The following CACNA1H variants were observed in gnomAD, a reference collection of about 807,000 sequenced individuals.
The protein encoded by CACNA1H is voltage-dependent T-type calcium channel subunit alpha-1H.
A neutral mutation model predicts 192.5 loss-of-function variants in CACNA1H; 149 were observed. The observed-to-expected ratio is 0.77, with a 90% CI of 0.68 to 0.89. The LOEUF (loss-of-function observed/expected upper bound fraction) is 0.89, where lower values mean the gene tolerates loss of function less well. CACNA1H is among the 40% of genes least tolerant of loss of function. The pLI is 0.00. For synonymous variants in CACNA1H, 2,202 were observed against 1,475.2 expected (o/e 1.49, Z -11.29); for missense variants, 4,257 against 3,423.5 (o/e 1.24, Z -6.08).
chr16:1,175,504 A>G (rs970294919), intron 2 of CACNA1H, among the ~76,000 whole-genome samples: 5 of 151,558 alleles, frequency 3.3e-5, no homozygotes, highest in East Asian at 2.0e-4. Context: ...CTGCCCCTCC[A>G]CCCTGTAGCC....
rs200009613 is a variant in CACNA1H at position 1,200,320 on chromosome 16, A to G, written c.868A>G (p.Ile290Val). Reference sequence around the variant, plus strand: ...GGAGGAGGGCGAGGAGAACCCGTTCATCTGCTCCTCACGCCGAGACAACGG... The same window carrying G: ...GGAGGAGGGCGAGGAGAACCCGTTCGTCTGCTCCTCACGCCGAGACAACGG... ...QTEEGEENPFICSSRRDNGMQ... is the reference protein window; with the variant it reads ...QTEEGEENPFVCSSRRDNGMQ... Residue 290 changes from isoleucine (I) to valine (V), a missense_variant, in exon 7 of 35, where the codon ATC becomes GTC. Transcript: ENST00000348261. 52 of 1,605,810 alleles carry G rather than the reference A, an allele frequency of 3.2e-5. 1 individual carries two copies. The East Asian group carries it at 1.1e-3, about 33-fold the overall frequency.
At chr16:1,159,088 C>T (rs1176248143) in intron 2 of CACNA1H, among the ~76,000 whole-genome samples, 5 of 152,246 alleles carry the variant, frequency 3.3e-5, no homozygotes, top group Non-Finnish European at 7.3e-5. Context: ...GCACAGCCTT[C>T]AGGCCCTGAT....
rs999638301 is a variant in CACNA1H, at chr16:1,167,148, C to T, written c.299+13112C>T. ...TGGACACGGCCCTTCCTTTCCTCGC[C>T]GACCCTTTGGGGCGTCTCCCATCGG... is the stretch of plus-strand genomic sequence containing the variant. On this transcript the variant is annotated intron_variant, in intron 2 of 34. Coordinates refer to ENST00000348261, the MANE Select transcript of CACNA1H (RefSeq NM_021098.3). The surrounding 1 kb of genome is among the most constrained non-coding windows in gnomAD (Gnocchi z 4.2). Among the ~76,000 whole-genome samples the T allele has an allele frequency of 6.6e-5, 10 of 152,288 alleles. No homozygotes were observed. Among genetic ancestry groups the T allele is most frequent in the East Asian group, 1.9e-4 (1 of 5,162 alleles).
Position 1,153,750 on chromosome 16 carries a change from G to A in CACNA1H, c.13G>A (p.Ala5Thr), listed in dbSNP as rs948561024. The A allele has an allele frequency of 1.1e-4, 134 of 1,212,022 alleles. No homozygotes were observed. The African/African-American group carries it at 2.0e-3, about 18-fold the overall frequency. 75.1% of individuals were successfully genotyped at this position (1,212,022 alleles called of 1,614,324 possible). MTEG[A>T]RAADEVRVPL... ...GCCGGCCGCCACCATGACCGAGGGC[G>A]CACGGGCCGCCGACGAGGTCCGGGT... The change falls in exon 2 of 35, where the codon GCA becomes ACA. Residue 5 changes from alanine to threonine, a missense_variant. Coordinates refer to ENST00000348261, the MANE Select transcript of CACNA1H (RefSeq NM_021098.3).
chr16:1,207,064 G>A lies in CACNA1H; in HGVS notation c.2853G>A (p.Val951=). The A allele has an allele frequency of 1.2e-6, 2 of 1,603,464 alleles. No individual in the cohort carries two copies. Among genetic ancestry groups the A allele is most frequent in the Non-Finnish European group, 1.7e-6 (2 of 1,175,060 alleles). The part of the protein sequence containing the change: ...FSLKTDTGDT[V]PDRKNFDSLL... ...TGAAGACAGACACCGGAGACACCGT[G>A]CCTGACAGGAAGAACTTCGACTCCC... The change falls in exon 13 of 35, where the codon GTG becomes GTA. Residue 951 remains valine, a synonymous_variant. Coordinates refer to ENST00000348261, the MANE Select transcript of CACNA1H (RefSeq NM_021098.3).
intron 2 of CACNA1H, among the ~76,000 whole-genome samples, chr16:1,172,099 C>G (rs1055625842): frequency 1.4e-4 from 22 of 151,974 alleles, no homozygotes; most frequent in Non-Finnish European, 2.5e-4. Context: ...TCAGACGTCA[C>G]CGGGATGATG....
chr16:1,181,942 A>G (rs1965516000), intron 2 of CACNA1H, among the ~76,000 whole-genome samples: 2 of 151,730 alleles, frequency 1.3e-5, no homozygotes, highest in South Asian at 4.2e-4. Context: ...CTTTGCACAC[A>G]CGCCCCCTCG....
intron 2 of CACNA1H, 27 bp downstream of exon 2, chr16:1,154,063 GGGGGCGGGGGGCGT>G (rs1278363486): frequency 4.2e-6 from 4 of 958,138 alleles, no homozygotes; most frequent in East Asian, 5.2e-5. Flanking sequence ...GCGGGGGGCG[GGGGGCGGGGGGCGT>G]GGGGAGGGTG....
At chr16:1,203,047 A>G (rs1361514003) in intron 9 of CACNA1H, among the ~76,000 whole-genome samples, 1 of 152,084 alleles carries the variant, frequency 6.6e-6, no homozygotes, top group African/African-American at 2.4e-5. Context: ...GGTTCTGTAC[A>G]CAGATGTAGA....
intron 5 of CACNA1H, among the ~76,000 whole-genome samples, chr16:1,196,870 C>G (rs898027855): frequency 6.6e-6 from 1 of 152,126 alleles, no homozygotes; most frequent in Non-Finnish European, 1.5e-5. Context: ...GCTCTGGTTC[C>G]TGGGGGTCGG....
In CACNA1H at chr16:1,180,593, G is replaced by A. The variant is rs1965364993; in HGVS notation, c.300-14379G>A. ...AGGCCGTGGGGGGGCCAGGGAGGAG[G>A]GGCTGCTCTCCATAGTGTGTCGGGT... On this transcript the variant is annotated intron_variant, in intron 2 of 34. Coordinates refer to ENST00000348261, the MANE Select transcript of CACNA1H (RefSeq NM_021098.3). The surrounding 1 kb of genome is among the most constrained non-coding windows in gnomAD (Gnocchi z 4.4). Among the ~76,000 whole-genome samples, 1 of 152,162 alleles carries A rather than the reference G, an allele frequency of 6.6e-6. No homozygotes were observed. The highest frequency in any genetic ancestry group is 2.1e-4 in the South Asian group (1 of 4,830).
chr16:1,202,011 C>T lies in CACNA1H; in HGVS notation c.1561C>T (p.His521Tyr), dbSNP rs1396993297. Reference sequence around the variant, plus strand: ...CTCGGTGCACCACCTGGTCTACCACCACCATCACCACCACCACCACCACTA... The same window carrying T: ...CTCGGTGCACCACCTGGTCTACCACTACCATCACCACCACCACCACCACTA... Reference protein sequence around the residue: ...TASVHHLVYHHHHHHHHHYHF... With the variant: ...TASVHHLVYHYHHHHHHHYHF... Residue 521 changes from histidine (H) to tyrosine (Y), a missense_variant, in exon 9 of 35, where the codon CAC (histidine) becomes TAC (tyrosine). Coordinates refer to ENST00000348261, the MANE Select transcript of CACNA1H (RefSeq NM_021098.3). 2.0e-6 allele frequency: 3 copies of T among 1,537,850 alleles called. No homozygotes were observed. Among genetic ancestry groups the T allele is most frequent in the East Asian group, 2.5e-5 (1 of 40,762 alleles).
chr16:1,212,538 C>A lies in CACNA1H; in HGVS notation c.4777+10C>A. 6.2e-7 allele frequency: 1 copy of A among 1,610,286 alleles called. No homozygotes were observed. On this transcript the variant is annotated intron_variant, in intron 26 of 34. Coordinates refer to ENST00000348261, the MANE Select transcript of CACNA1H (RefSeq NM_021098.3). ...ACTTTCCCCAGCCCAGGTACCGGCC[C>A]TGTCCCGCATGCCTCAGGCCCCGCT...
At position 1,161,164 on chromosome 16, in the gene CACNA1H, G is replaced by A. The variant is rs553972987; in HGVS notation, c.299+7128G>A. Reference sequence around the variant, plus strand: ...AGCGTCTGCTGGCCCTGCTGGACTCGTCTGACCCTGGGCTGCTGGTGGTGT... The same window carrying A: ...AGCGTCTGCTGGCCCTGCTGGACTCATCTGACCCTGGGCTGCTGGTGGTGT... On this transcript the variant is annotated intron_variant, in intron 2 of 34. Coordinates refer to ENST00000348261, the MANE Select transcript of CACNA1H (RefSeq NM_021098.3). 8.5e-5 allele frequency among the ~76,000 whole-genome samples: 13 copies of A among 152,326 alleles called. No homozygotes were observed. The South Asian group carries it at 2.1e-3, about 24-fold the overall frequency.
At chr16:1,218,129 G>C (rs1970185616) in intron 32 of CACNA1H, 81 bp from the exon 33 acceptor site, 2 of 1,537,070 alleles carry the variant, frequency 1.3e-6, no homozygotes, top group South Asian at 1.2e-5. Flanking sequence ...TCCTTGCAGG[G>C]CAGGGGGAAG....
chr16:1,189,572 A>G (rs943568502), intron 2 of CACNA1H, among the ~76,000 whole-genome samples: 4 of 150,768 alleles, frequency 2.7e-5, no homozygotes, highest in African/African-American at 7.3e-5. Context: ...CCAAAATTTA[A>G]TTTTTTTGTT....
chr16:1,216,396 C>T (rs76364595), intron 30 of CACNA1H, among the ~76,000 whole-genome samples: 7,976 of 152,318 alleles, frequency 0.052, 412 homozygotes, highest in African/African-American at 0.13. Flanking sequence ...TTGGAGGGTG[C>T]GCCGCCCAGC....
At position 1,165,283 on chromosome 16, in the gene CACNA1H, G is replaced by A. The variant is rs541153784; in HGVS notation, c.299+11247G>A. ...GTAGCGTCACAGGAATGGCTTCAGC[G>A]GGCCTGGGGGCAAAGGCTCAGAATC... On this transcript the variant is annotated intron_variant, in intron 2 of 34. Transcript: ENST00000348261. Among the ~76,000 whole-genome samples the A allele has an allele frequency of 7.9e-5, 12 of 152,314 alleles. No individual in the cohort carries two copies. In the South Asian group the frequency reaches 8.3e-4, roughly 11 times the overall value.
intron 2 of CACNA1H, among the ~76,000 whole-genome samples, chr16:1,193,695 TTGG>T (rs1295045759): frequency 6.6e-6 from 1 of 152,218 alleles, no homozygotes; most frequent in Non-Finnish European, 1.5e-5. Context: ...TACCGCACTC[TTGG>T]TGGGAATATG....
Sources: allele counts gnomAD v4.1 joint callset (sites outside exome capture counted in the v4.1 genomes callset), GRCh38; gene constraint gnomAD v4.1.1; non-coding constraint Gnocchi (gnomAD v3.1); transcripts MANE v1.5; gene names NCBI Gene and HGNC (gene_info 2026-07-23, HGNC 2026-07-21).